The following PARVB variants were observed in gnomAD, a reference collection of about 807,000 sequenced individuals.
PARVB encodes beta-parvin.
A neutral mutation model predicts 47.0 loss-of-function variants in PARVB; 46 were observed. That is an observed-to-expected ratio of 0.98 (90% CI 0.77 to 1.25). The LOEUF is 1.25. Ranked by LOEUF, PARVB falls within the 50% of genes most tolerant of loss-of-function variation. The pLI is 0.00. For synonymous variants in PARVB, 196 were observed against 196.3 expected, an observed-to-expected ratio of 1.00 and a Z score of 0.01; for missense variants, 473 against 471.6, an observed-to-expected ratio of 1.00 and a Z score of -0.03.
At chr22:44,071,003 C>T (rs1035227402) in intron 1 of PARVB, among the ~76,000 whole-genome samples, 5 of 152,056 alleles carry the variant, frequency 3.3e-5, no homozygotes, top group African/African-American at 7.3e-5. Flanking sequence ...CCTGCCCGCC[C>T]GCCTTGGCCT....
At chr22:44,159,819 G>T (rs554108892) in intron 11 of PARVB, among the ~76,000 whole-genome samples, 1 of 152,150 alleles carries the variant, frequency 6.6e-6, no homozygotes, top group Non-Finnish European at 1.5e-5. Flanking sequence ...AACTGCTTGC[G>T]GATGGGATGT....
At chr22:44,059,576 ACT>A (rs1223362002) in intron 1 of PARVB, among the ~76,000 whole-genome samples, 2 of 152,010 alleles carry the variant, frequency 1.3e-5, no homozygotes, top group Non-Finnish European at 2.9e-5. Context: ...CATAAATGCT[ACT>A]CTCCATCAGC....
At chr22:44,062,999 T>G (rs951993694) in intron 1 of PARVB, among the ~76,000 whole-genome samples, 5 of 152,154 alleles carry the variant, frequency 3.3e-5, no homozygotes, top group African/African-American at 1.2e-4. Flanking sequence ...TGTCTGGGTC[T>G]TTCTGGTGCT....
intron 7 of PARVB, among the ~76,000 whole-genome samples, chr22:44,137,602 GT>G (rs1281616120): frequency 1.3e-5 from 2 of 152,206 alleles, no homozygotes; most frequent in Non-Finnish European, 2.9e-5. Flanking sequence ...CAGCTGGGCG[GT>G]TGTTCAGCCA....
upstream of PARVB, among the ~76,000 whole-genome samples, chr22:44,023,537 C>CAAAACAA (rs1416034853): frequency 7.9e-6 from 1 of 127,300 alleles, no homozygotes; most frequent in African/African-American, 3.0e-5. Context: ...TAAAACAAAA[C>CAAAACAA]AAAATAAAAT....
At chr22:44,166,946 G>C (rs1005457646) in intron 12 of PARVB, among the ~76,000 whole-genome samples, 2 of 152,172 alleles carry the variant, frequency 1.3e-5, no homozygotes, top group African/African-American at 4.8e-5. Context: ...ACTTACCCGG[G>C]TACCCAGGGC....
At chr22:44,091,175 C>T (rs761836762) in intron 1 of PARVB, among the ~76,000 whole-genome samples, 2 of 151,642 alleles carry the variant, frequency 1.3e-5, no homozygotes, top group Non-Finnish European at 2.9e-5. Flanking sequence ...TGAGTGGTGC[C>T]TGGATCTTCC....
intron 1 of PARVB, among the ~76,000 whole-genome samples, chr22:44,047,161 A>T (rs1469472549): frequency 1.3e-5 from 2 of 152,118 alleles, no homozygotes; most frequent in Non-Finnish European, 2.9e-5. Context: ...ATGCATAAAG[A>T]AAAGAGGTTT....
chr22:44,072,630 G>A (rs760684904), intron 1 of PARVB, among the ~76,000 whole-genome samples: 3 of 151,990 alleles, frequency 2.0e-5, no homozygotes, highest in African/African-American at 4.8e-5. Context: ...TAATGGAGAC[G>A]GGGGCTTCAC....
At chr22:44,069,110 T>C in intron 1 of PARVB, 1 of 1,611,852 alleles carries the variant, frequency 6.2e-7, no homozygotes, top group East Asian at 2.2e-5. Context: ...CCCTCCGACG[T>C]CCGCCGGCTG....
intron 1 of PARVB, among the ~76,000 whole-genome samples, chr22:44,066,549 C>T (rs183805537): frequency 1.3e-5 from 2 of 152,322 alleles, no homozygotes; most frequent in Admixed American, 1.3e-4. Context: ...GTGTTTCTCA[C>T]CTTGGCACCC....
chr22:44,021,398 G>T (rs559369733), upstream of PARVB, among the ~76,000 whole-genome samples: 3 of 152,258 alleles, frequency 2.0e-5, no homozygotes, highest in Admixed American at 6.5e-5. Context: ...AGAAAAAGGA[G>T]CAGGTGAAAG....
At chr22:44,099,988 C>G in intron 2 of PARVB, 65 bp from the exon 3 acceptor site, 2 of 1,351,114 alleles carry the variant, frequency 1.5e-6, no homozygotes, top group Non-Finnish European at 2.1e-6. Flanking sequence ...TTGGCCTCCC[C>G]CTGGTTCCCC....
At position 44,125,972 on chromosome 22, in the gene PARVB, G is replaced by C. The variant is rs1199725466; in HGVS notation, c.377-5515G>C. On this transcript the variant is annotated intron_variant, in intron 4 of 12. Transcript: ENST00000338758. This position sits in a 1 kb window ranked among gnomAD's most constrained non-coding sequence, Gnocchi z 4.1. ...CATAGGAACCAAGACTGATGGCCAGGTTTGTGGCTTGAGCAACTGGTAAAT... is the reference window on the plus strand; with the variant it reads ...CATAGGAACCAAGACTGATGGCCAGCTTTGTGGCTTGAGCAACTGGTAAAT... Among the ~76,000 whole-genome samples the C allele has an allele frequency of 6.6e-6, 1 of 152,196 alleles. No homozygotes were observed. Among genetic ancestry groups the C allele is most frequent in the Admixed American group, 6.5e-5 (1 of 15,292 alleles).
Position 44,168,979 on chromosome 22 carries a change from G to T in PARVB, c.*301G>T. 1 of 299,626 alleles carries T rather than the reference G, an allele frequency of 3.3e-6. No individual in the cohort carries two copies. The highest frequency in any genetic ancestry group is 4.8e-5 in the South Asian group (1 of 20,784). The allele number at this position is 299,626 out of a possible 1,614,324, so 18.6% of individuals were successfully genotyped here. A position where few individuals can be genotyped will look rare whatever the true frequency, so the allele number is the denominator to read the frequency against. ...AGTCGCGTGGGATGATGAGTCCGTTGTTGTCTGCCTTGGCCGAAAGATGAA... is the reference window on the plus strand; with the variant it reads ...AGTCGCGTGGGATGATGAGTCCGTTTTTGTCTGCCTTGGCCGAAAGATGAA... On this transcript the variant is annotated 3_prime_UTR_variant, in exon 13 of 13. Transcript: ENST00000338758.
chr22:44,159,932 G>T (rs1305658816), intron 11 of PARVB, among the ~76,000 whole-genome samples: 1 of 152,216 alleles, frequency 6.6e-6, no homozygotes, highest in African/African-American at 2.4e-5. Context: ...TGGGAGGAGG[G>T]ACTGAGGTTC....
chr22:44,054,597 T>G (rs139150769), intron 1 of PARVB, among the ~76,000 whole-genome samples: 2 of 152,156 alleles, frequency 1.3e-5, no homozygotes, highest in Non-Finnish European at 2.9e-5. Flanking sequence ...GACAGGGAGT[T>G]AGTGTTTCTG....
At chr22:44,094,818 A>C (rs182357910) in intron 2 of PARVB, among the ~76,000 whole-genome samples, 2 of 151,810 alleles carry the variant, frequency 1.3e-5, no homozygotes, top group East Asian at 3.9e-4. Flanking sequence ...GCTTTCTCTG[A>C]AGGAATGGGC....
chr22:44,070,808 C>T (rs558595540), intron 1 of PARVB, among the ~76,000 whole-genome samples: 1 of 152,252 alleles, frequency 6.6e-6, no homozygotes, highest in African/African-American at 2.4e-5. Context: ...CCTGCCCGCA[C>T]CTCCTGGGAC....
Sources: gnomAD v4.1 joint callset for allele counts (sites outside exome capture counted in the v4.1 genomes callset) on GRCh38, gnomAD v4.1.1 for gene constraint, Gnocchi (gnomAD v3.1) non-coding constraint, MANE v1.5 for transcripts, NCBI Gene and HGNC (gene_info 2026-07-23, HGNC 2026-07-21) for gene names.